The following CEMIP2 variants were observed in gnomAD, a reference collection of about 807,000 sequenced individuals.
The protein encoded by CEMIP2 is cell migration inducing hyaluronidase 2.
In CEMIP2, 79 loss-of-function variants were observed where a neutral mutation model predicts 146.9. That is an observed-to-expected ratio of 0.54 (90% CI 0.45 to 0.65). CEMIP2 has a LOEUF of 0.65. Among genes scored for constraint, CEMIP2 ranks in the 30% least tolerant of loss-of-function variants. The pLI, the probability that CEMIP2 is intolerant of heterozygous loss-of-function variation, is 0.00. For synonymous variants in CEMIP2, 601 were observed against 606.3 expected (o/e 0.99, Z 0.13); for missense variants, 1,596 against 1,696.2 (o/e 0.94, Z 1.04).
At chr9:71,685,935 A>T in intron 22 of CEMIP2, 89 bp from the exon 23 acceptor site, 1 of 892,846 alleles carries the variant, frequency 1.1e-6, no homozygotes, top group South Asian at 1.5e-5. Flanking sequence ...CTGACTGCTG[A>T]ATAGAAATAT....
intron 8 of CEMIP2, 53 bp from the exon 9 acceptor site, chr9:71,730,306 TAAGTGAC>T (rs2131966387): frequency 6.4e-7 from 1 of 1,561,346 alleles, no homozygotes. Flanking sequence ...GATTGTGATT[TAAGTGAC>T]AAGCGCTATC....
At position 71,716,495 on chromosome 9, in the gene CEMIP2, G is replaced by A. The variant is rs766746444; in HGVS notation, c.2435+22C>T. On this transcript the variant is annotated intron_variant, in intron 14 of 23. Coordinates refer to ENST00000377044, the MANE Select transcript of CEMIP2 (RefSeq NM_013390.3). The stretch of plus-strand genomic sequence containing the variant: ...TATTTTAAAGCTTTAAAATAAGTAA[G>A]TATTTTTAAGCAATTACAAACCTGG... 15 of 1,552,168 alleles carry A rather than the reference G, an allele frequency of 9.7e-6. No individual in the cohort carries two copies. In the South Asian group the frequency reaches 1.1e-4, roughly 11 times the overall value.
chr9:71,700,571 C>A, intron 19 of CEMIP2, 71 bp downstream of exon 19: 1 of 1,477,140 alleles, frequency 6.8e-7, no homozygotes, highest in Non-Finnish European at 9.1e-7. Context: ...AGCCGCGATG[C>A]TGAAGAACTA....
intron 15 of CEMIP2, among the ~76,000 whole-genome samples, chr9:71,713,925 G>A (rs765223244): frequency 6.6e-6 from 1 of 152,178 alleles, no homozygotes; most frequent in Non-Finnish European, 1.5e-5. Flanking sequence ...AATCCATGAA[G>A]TTCTTTTCCC....
rs766829965 is a variant in CEMIP2, at chr9:71,704,645, C to T, written c.3144G>A (p.Trp1048Ter). The change falls in exon 18 of 24, where the codon TGG (tryptophan) becomes TGA (stop). Residue 1048 changes from tryptophan to a stop codon, truncating the protein, a stop_gained. Coordinates refer to ENST00000377044, the MANE Select transcript of CEMIP2 (RefSeq NM_013390.3). LOFTEE classifies it high-confidence loss of function. ...VMLEKGYTIHWNGPAPRTTFL... is the reference protein window; with the variant it reads ...VMLEKGYTIH Reference sequence around the variant, plus strand: ...ATGTAGTCCGTGGTGCCGGCCCATTCCAGTGGATGGTATAACCCTTCTCCA... The same window carrying T: ...ATGTAGTCCGTGGTGCCGGCCCATTTCAGTGGATGGTATAACCCTTCTCCA... 10 of 1,614,010 alleles carry T rather than the reference C, an allele frequency of 6.2e-6. No homozygotes were observed. The highest frequency in any genetic ancestry group is 8.5e-6 in the Non-Finnish European group (10 of 1,180,018).
intron 11 of CEMIP2, among the ~76,000 whole-genome samples, chr9:71,723,461 A>G (rs1387872292): frequency 6.6e-6 from 1 of 152,206 alleles, no homozygotes; most frequent in Middle Eastern, 3.2e-3. Context: ...GAAAACAGAT[A>G]AAACGAAAAT....
In CEMIP2 at chr9:71,745,012, G is replaced by A; in HGVS notation, c.1034+6C>T. 6.2e-7 allele frequency: 1 copy of A among 1,610,966 alleles called. No individual in the cohort carries two copies. The highest frequency in any genetic ancestry group is 8.5e-7 in the Non-Finnish European group (1 of 1,178,600). ...TGATAGGGATCTGGGAAGAAGGTATGCCTACCTGTAGCCCAGTCCTTGGAT... is the reference window on the plus strand; with the variant it reads ...TGATAGGGATCTGGGAAGAAGGTATACCTACCTGTAGCCCAGTCCTTGGAT... On this transcript the variant is annotated splice_donor_region_variant and intron_variant, in intron 4 of 23. Coordinates refer to ENST00000377044, the MANE Select transcript of CEMIP2 (RefSeq NM_013390.3).
At chr9:71,736,540 A>G (rs909602398) in intron 5 of CEMIP2, among the ~76,000 whole-genome samples, 1 of 152,174 alleles carries the variant, frequency 6.6e-6, no homozygotes, top group Non-Finnish European at 1.5e-5. Context: ...AAATTATGTA[A>G]TCTAATGACT....
intron 5 of CEMIP2, among the ~76,000 whole-genome samples, chr9:71,738,149 AC>A (rs1404227396): frequency 6.6e-6 from 1 of 152,122 alleles, no homozygotes; most frequent in East Asian, 1.9e-4. Flanking sequence ...GGCAAAAACA[AC>A]CCCTACCCCA....
rs1823649668 is a variant in CEMIP2, at chr9:71,732,539, GAA to G, written c.1394-21_1394-20del. The stretch of plus-strand genomic sequence containing the variant: ...GGGGTTTCTGGTTGATATGAGCAAG[GAA>G]AAAAAAGAATATTAGAACAAAGAAA... On this transcript the variant is annotated intron_variant, in intron 6 of 23. Transcript: ENST00000377044. The G allele has an allele frequency of 1.3e-6, 2 of 1,560,346 alleles. No homozygotes were observed. The highest frequency in any genetic ancestry group is 1.7e-6 in the Non-Finnish European group (2 of 1,161,162).
At chr9:71,688,206 TA>T (rs1822126158) in intron 22 of CEMIP2, among the ~76,000 whole-genome samples, 1 of 152,080 alleles carries the variant, frequency 6.6e-6, no homozygotes, top group Admixed American at 6.6e-5. Context: ...AATCAGTGTT[TA>T]GGGGGCTCTG....
At chr9:71,694,121 T>G (rs559280733) in intron 21 of CEMIP2, among the ~76,000 whole-genome samples, 7 of 151,240 alleles carry the variant, frequency 4.6e-5, no homozygotes, top group African/African-American at 1.5e-4. Context: ...ATTTATTTAT[T>G]TATTTATTTA....
chr9:71,728,223 C>A (rs867566747), intron 10 of CEMIP2, among the ~76,000 whole-genome samples: 1,017 of 22,158 alleles, frequency 0.046, 118 homozygotes, highest in East Asian at 0.099. Context: ...CTCTCTCTCT[C>A]TCTCTCTCTA....
At chr9:71,689,365 G>A (rs900401674) in intron 22 of CEMIP2, among the ~76,000 whole-genome samples, 1 of 152,148 alleles carries the variant, frequency 6.6e-6, no homozygotes, top group Non-Finnish European at 1.5e-5. Flanking sequence ...AATGAAAGCG[G>A]GTGTATAAAT....
intron 23 of CEMIP2, 50 bp downstream of exon 23, chr9:71,685,693 C>T (rs1822040027): frequency 2.1e-6 from 3 of 1,449,932 alleles, no homozygotes; most frequent in Non-Finnish European, 2.9e-6. Context: ...CATAAAATTA[C>T]CTATGTTGCT....
intron 6 of CEMIP2, 112 bp downstream of exon 6, chr9:71,734,694 T>G (rs62547053): frequency 0.081 from 74,178 of 913,880 alleles, 3,680 homozygotes; most frequent in South Asian, 0.18. Flanking sequence ...TACTGATGAT[T>G]GTGATGGTGG....
intron 22 of CEMIP2, chr9:71,686,476 A>G (rs994961862): frequency 6.6e-6 from 1 of 152,390 alleles, no homozygotes; most frequent in Non-Finnish European, 1.5e-5. Flanking sequence ...ATAATAATAG[A>G]AAAAAAGTGC....
chr9:71,752,330 T>A lies in CEMIP2; in HGVS notation c.-12-1945A>T, dbSNP rs1824277070. On this transcript the variant is annotated intron_variant, in intron 1 of 23. Coordinates refer to ENST00000377044, the MANE Select transcript of CEMIP2 (RefSeq NM_013390.3). ...GTTTAAACTATACATGCTTCATTTT[T>A]AACAGAAGCTTACACACAAAAACAA... Among the ~76,000 whole-genome samples, 4 of 151,680 alleles carry A rather than the reference T, an allele frequency of 2.6e-5. No individual in the cohort carries two copies. The South Asian group carries it at 8.3e-4, about 32-fold the overall frequency.
Position 71,745,164 on chromosome 9 carries a change from C to G in CEMIP2, c.888G>C (p.Arg296=), listed in dbSNP as rs899822550. 3 of 1,614,158 alleles carry G rather than the reference C, an allele frequency of 1.9e-6. No homozygotes were observed. The highest frequency in any genetic ancestry group is 1.3e-5 in the African/African-American group (1 of 75,040). The change falls in exon 4 of 24, where the codon CGG becomes CGC. Residue 296 remains arginine, a synonymous_variant. Coordinates refer to ENST00000377044, the MANE Select transcript of CEMIP2 (RefSeq NM_013390.3). The part of the protein sequence containing the change: ...DTHEYRNESR[R]LQEFLRFQDP... ...CCTGGAATCTCAGAAACTCCTGAAG[C>G]CGCCTGCTCTCATTGCGGTATTCAT...
Sources: allele counts gnomAD v4.1 joint callset (sites outside exome capture counted in the v4.1 genomes callset), GRCh38; gene constraint gnomAD v4.1.1; transcripts MANE v1.5; gene names NCBI Gene and HGNC (gene_info 2026-07-23, HGNC 2026-07-21).